The following ELP4 variants were observed in gnomAD, a reference collection of about 807,000 sequenced individuals.
ELP4 encodes the protein elongator acetyltransferase complex subunit 4.
Under a neutral mutation model 48.9 loss-of-function variants are expected in ELP4, and 51 were observed. That is an observed-to-expected ratio of 1.04 (90% CI 0.83 to 1.32). The LOEUF (loss-of-function observed/expected upper bound fraction) is 1.32. ELP4 is among the 40% of genes most tolerant of loss of function. The pLI is 0.00. For synonymous variants in ELP4, 210 were observed against 189.2 expected (o/e 1.11, Z -0.90); for missense variants, 519 against 514.6 (o/e 1.01, Z -0.08).
At chr11:31,608,350 A>G (rs2134008779) in intron 5 of ELP4, among the ~76,000 whole-genome samples, 1 of 152,124 alleles carries the variant, frequency 6.6e-6, no homozygotes, top group Non-Finnish European at 1.5e-5. Flanking sequence ...AGATTTTCTA[A>G]CGGGGAAGAT....
At chr11:31,677,501 G>A (rs996239077) in intron 9 of ELP4, among the ~76,000 whole-genome samples, 1 of 152,142 alleles carries the variant, frequency 6.6e-6, no homozygotes, top group African/African-American at 2.4e-5. Flanking sequence ...AAAACCCAAA[G>A]GAGATGCATT....
chr11:31,700,466 T>A (rs1052075853), intron 9 of ELP4, among the ~76,000 whole-genome samples: 1 of 152,132 alleles, frequency 6.6e-6, no homozygotes, highest in Non-Finnish European at 1.5e-5. Context: ...AATAGCTTTA[T>A]GTCCATGTAG....
At chr11:31,566,520 G>C (rs541276402) in intron 3 of ELP4, among the ~76,000 whole-genome samples, 1 of 152,154 alleles carries the variant, frequency 6.6e-6, no homozygotes, top group Non-Finnish European at 1.5e-5. Context: ...AAATATTGAA[G>C]AGTTACCAGG....
At chr11:31,664,311 A>G (rs1442631987) in intron 9 of ELP4, 2 of 152,066 alleles carry the variant, frequency 1.3e-5, no homozygotes, top group South Asian at 2.1e-4. Flanking sequence ...AAACTTTCCC[A>G]TTGTCATTAA....
At chr11:31,756,971 G>T (rs1027649566) in intron 9 of ELP4, among the ~76,000 whole-genome samples, 15 of 152,180 alleles carry the variant, frequency 9.9e-5, no homozygotes, top group African/African-American at 3.6e-4. Flanking sequence ...AACCATCAGA[G>T]AATCTGATAT....
chr11:31,719,774 A>C (rs1471462850), intron 9 of ELP4: 1 of 281,606 alleles, frequency 3.6e-6, no homozygotes, highest in East Asian at 5.8e-5. Context: ...GGGGTAAAAT[A>C]TACTGATGTC....
chr11:31,571,834 A>C (rs1957198177), intron 3 of ELP4, among the ~76,000 whole-genome samples: 1 of 152,172 alleles, frequency 6.6e-6, no homozygotes, highest in African/African-American at 2.4e-5. Flanking sequence ...AGGTTTCCAT[A>C]TAGTGGGCTT....
intron 9 of ELP4, chr11:31,652,335 A>G (rs1351344131): frequency 6.6e-6 from 1 of 151,730 alleles, no homozygotes; most frequent in Non-Finnish European, 1.5e-5. Flanking sequence ...AACAAACCAA[A>G]TGGAAGTACA....
At chr11:31,642,398 A>G (rs1945117416) in intron 7 of ELP4, among the ~76,000 whole-genome samples, 1 of 151,880 alleles carries the variant, frequency 6.6e-6, no homozygotes, top group African/African-American at 2.4e-5. Context: ...TGAGTATTTG[A>G]CCATGTAGAA....
At chr11:31,715,076 C>T (rs1362371669) in intron 9 of ELP4, 9 of 333,070 alleles carry the variant, frequency 2.7e-5, no homozygotes, top group South Asian at 1.5e-4. Context: ...TTCATAGAGA[C>T]GGAAGAACCA....
intron 9 of ELP4, among the ~76,000 whole-genome samples, chr11:31,659,853 G>A (rs896272471): frequency 5.9e-5 from 9 of 151,906 alleles, no homozygotes; most frequent in Non-Finnish European, 8.8e-5. Flanking sequence ...TTAGCTGGGC[G>A]TGGTGGCAGG....
chr11:31,670,057 T>A (rs938824509), intron 9 of ELP4, among the ~76,000 whole-genome samples: 1 of 152,174 alleles, frequency 6.6e-6, no homozygotes, highest in East Asian at 1.9e-4. Context: ...TTCTAAATCT[T>A]TGGCATATGC....
intron 7 of ELP4, among the ~76,000 whole-genome samples, chr11:31,642,558 T>C (rs1945120955): frequency 6.6e-6 from 1 of 151,842 alleles, no homozygotes; most frequent in South Asian, 2.1e-4. Context: ...TATGTTTGTT[T>C]TACAGTTTTC....
At chr11:31,637,158 C>G (rs1246446659) in intron 7 of ELP4, among the ~76,000 whole-genome samples, 1 of 151,722 alleles carries the variant, frequency 6.6e-6, no homozygotes, top group East Asian at 1.9e-4. Context: ...GTTCCACTCG[C>G]CAAGAAGCCT....
At chr11:31,641,657 T>G (rs971331690) in intron 7 of ELP4, among the ~76,000 whole-genome samples, 1 of 151,882 alleles carries the variant, frequency 6.6e-6, no homozygotes, top group Non-Finnish European at 1.5e-5. Flanking sequence ...GGTGAGGACC[T>G]TGCCAGCAGA....
chr11:31,630,897 G>C (rs1158777406), intron 6 of ELP4, among the ~76,000 whole-genome samples: 1 of 151,882 alleles, frequency 6.6e-6, no homozygotes, highest in African/African-American at 2.4e-5. Context: ...ATAAGCTATA[G>C]TAAGGCCACT....
At chr11:31,560,701 T>TAC (rs1423275901) in intron 3 of ELP4, among the ~76,000 whole-genome samples, 1 of 147,470 alleles carries the variant, frequency 6.8e-6, no homozygotes, top group Non-Finnish European at 1.5e-5. Flanking sequence ...TATATATATA[T>TAC]AAAACAACGT....
chr11:31,603,613 G>A (rs1049388615), intron 4 of ELP4, among the ~76,000 whole-genome samples, 155 bp from the exon 5 acceptor site: 15 of 151,824 alleles, frequency 9.9e-5, no homozygotes, highest in Admixed American at 3.9e-4. Context: ...AAAGGTTGTT[G>A]TATGCTTCTT....
intron 3 of ELP4, among the ~76,000 whole-genome samples, chr11:31,586,856 G>T (rs996839947): frequency 6.6e-6 from 1 of 151,978 alleles, no homozygotes; most frequent in Non-Finnish European, 1.5e-5. Flanking sequence ...TGGTCAGGCT[G>T]GTCTCAATCT....
Sources: allele counts gnomAD v4.1 joint callset (sites outside exome capture counted in the v4.1 genomes callset), GRCh38; gene constraint gnomAD v4.1.1; transcripts MANE v1.5; gene names NCBI Gene and HGNC (gene_info 2026-07-23, HGNC 2026-07-21).